The following DCAF8 variants were observed in gnomAD, a reference collection of about 807,000 sequenced individuals.
DCAF8 encodes the protein DDB1 and CUL4 associated factor 8.
A neutral mutation model predicts 68.0 loss-of-function variants in DCAF8; 20 were observed. That is an observed-to-expected ratio of 0.29 (90% CI 0.21 to 0.43). The LOEUF (loss-of-function observed/expected upper bound fraction) is 0.43, where lower values mean the gene tolerates loss of function less well. Among genes scored for constraint, DCAF8 ranks in the 20% least tolerant of loss-of-function variants. DCAF8 has a pLI of 1.00. For missense variants in DCAF8, 460 were observed against 771.0 expected, an observed-to-expected ratio of 0.60 and a Z score of 4.78; for synonymous variants, 230 against 276.9, an observed-to-expected ratio of 0.83 and a Z score of 1.68.
At position 160,237,145 on chromosome 1, in the gene DCAF8, G is replaced by A. The variant is rs587777425; in HGVS notation, c.949C>T (p.Arg317Cys). The A allele has an allele frequency of 9.6e-6, 15 of 1,566,158 alleles. No individual in the cohort carries two copies. Among genetic ancestry groups the A allele is most frequent in the Admixed American group, 1.9e-5 (1 of 53,018 alleles). The change falls in exon 6 of 14, where the codon CGC becomes TGC. Residue 317 changes from arginine to cysteine, a missense_variant. Physicochemically the swap from Arg to Cys is radical, Grantham distance 180 (BLOSUM62 -3). This residue lies in a region of DCAF8 where 170 missense variants were observed against 318.2 expected (regional missense o/e 0.53). Transcript: ENST00000368074. ...VVFTIDLRQDRPASKLVVTKE... is the reference protein window; with the variant it reads ...VVFTIDLRQDCPASKLVVTKE... ...TACTGCTACACTTACGACGCTGGGC[G>A]GTCTTGTCTCAGGTCAATGGTGAAA...
intron 2 of DCAF8, among the ~76,000 whole-genome samples, chr1:160,253,158 A>G (rs1185327175): frequency 6.6e-6 from 1 of 152,174 alleles, no homozygotes; most frequent in Admixed American, 6.5e-5. Flanking sequence ...AATTGAGAAG[A>G]ACGAATAATC....
chr1:160,240,687 T>C (rs1656076496), intron 3 of DCAF8, among the ~76,000 whole-genome samples: 1 of 152,206 alleles, frequency 6.6e-6, no homozygotes, highest in African/African-American at 2.4e-5. Flanking sequence ...CTGATACATC[T>C]ACCATTGGCT....
At chr1:160,243,916 C>G in intron 3 of DCAF8, 44 bp downstream of exon 3, 1 of 1,600,550 alleles carries the variant, frequency 6.2e-7, no homozygotes, top group South Asian at 1.1e-5. Flanking sequence ...AGGACAACCT[C>G]AGTTGATAGT....
intron 2 of DCAF8, among the ~76,000 whole-genome samples, chr1:160,246,070 G>T (rs527847364): frequency 6.6e-6 from 1 of 152,042 alleles, no homozygotes; most frequent in Non-Finnish European, 1.5e-5. Context: ...CCTGGGAGGC[G>T]GAGGTTGTGG....
intron 3 of DCAF8, among the ~76,000 whole-genome samples, chr1:160,242,410 C>G (rs1464601903): frequency 6.6e-6 from 1 of 152,104 alleles, no homozygotes; most frequent in Non-Finnish European, 1.5e-5. Context: ...TGAAATGCAG[C>G]TGGGCTTGAG....
chr1:160,251,916 C>T (rs1265545101), intron 2 of DCAF8, among the ~76,000 whole-genome samples: 1 of 152,186 alleles, frequency 6.6e-6, no homozygotes, highest in African/African-American at 2.4e-5. Flanking sequence ...AGGGGTCCAA[C>T]ATATGACACT....
chr1:160,242,101 C>T (rs948481154), intron 3 of DCAF8, among the ~76,000 whole-genome samples: 4 of 152,014 alleles, frequency 2.6e-5, no homozygotes, highest in African/African-American at 9.7e-5. Context: ...AAAAATTAGC[C>T]GGGCGTGGTG....
chr1:160,244,927 T>G (rs568985640), intron 2 of DCAF8, among the ~76,000 whole-genome samples: 3 of 152,196 alleles, frequency 2.0e-5, no homozygotes, highest in African/African-American at 7.2e-5. Context: ...TTCAAACTTA[T>G]TAAAGGCACA....
intron 2 of DCAF8, among the ~76,000 whole-genome samples, chr1:160,256,099 C>T (rs1656827023): frequency 6.8e-6 from 1 of 147,552 alleles, no homozygotes; most frequent in African/African-American, 2.5e-5. Flanking sequence ...GCAGTCCTCC[C>T]AACTCAGCCC....
chr1:160,257,499 T>C (rs1656885440), intron 2 of DCAF8, among the ~76,000 whole-genome samples: 1 of 152,196 alleles, frequency 6.6e-6, no homozygotes, highest in African/African-American at 2.4e-5. Flanking sequence ...ATTACTCCCC[T>C]GATAGAATAC....
intron 3 of DCAF8, 66 bp downstream of exon 3, chr1:160,243,894 C>CT: frequency 6.5e-7 from 1 of 1,535,740 alleles, no homozygotes; most frequent in Non-Finnish European, 9.0e-7. Flanking sequence ...TCCACTCTAT[C>CT]TTGCAGGGAG....
chr1:160,240,438 TC>T (rs1180718704), intron 3 of DCAF8, 68 bp from the exon 4 acceptor site: 5 of 1,440,290 alleles, frequency 3.5e-6, no homozygotes, highest in Non-Finnish European at 4.6e-6. Context: ...ACCACCTTAG[TC>T]TAAGAAATCT....
At chr1:160,241,366 AG>A (rs1656109299) in intron 3 of DCAF8, among the ~76,000 whole-genome samples, 1 of 152,208 alleles carries the variant, frequency 6.6e-6, no homozygotes, top group South Asian at 2.1e-4. Context: ...ACACATTTTT[AG>A]TCTCTCTATT....
At chr1:160,230,776 G>A (rs1655650643) in intron 7 of DCAF8, among the ~76,000 whole-genome samples, 2 of 151,316 alleles carry the variant, frequency 1.3e-5, no homozygotes, top group South Asian at 4.1e-4. Context: ...TTTTGAGACA[G>A]AGTCTCGCTC....
At chr1:160,250,001 T>C (rs1016461345) in intron 2 of DCAF8, among the ~76,000 whole-genome samples, 3 of 152,138 alleles carry the variant, frequency 2.0e-5, no homozygotes, top group Admixed American at 6.6e-5. Context: ...GGAATGAAAC[T>C]GACTACGAAA....
At chr1:160,228,932 G>A (rs1655572100) in intron 7 of DCAF8, among the ~76,000 whole-genome samples, 1 of 152,174 alleles carries the variant, frequency 6.6e-6, no homozygotes, top group African/African-American at 2.4e-5. Context: ...CAGAGAAGTT[G>A]AGTGTAACCT....
intron 9 of DCAF8, 149 bp from the exon 10 acceptor site, chr1:160,224,698 C>G: frequency 1.5e-6 from 1 of 663,272 alleles, no homozygotes. Flanking sequence ...CAGGCAAGTC[C>G]GACTGTACAG....
At chr1:160,259,344 C>G (rs908826560) in intron 2 of DCAF8, among the ~76,000 whole-genome samples, 1 of 152,076 alleles carries the variant, frequency 6.6e-6, no homozygotes, top group African/African-American at 2.4e-5. Context: ...ACCACCCTGG[C>G]CAACATGGTG....
At chr1:160,233,765 C>T (rs2101732214) in intron 6 of DCAF8, among the ~76,000 whole-genome samples, 1 of 152,312 alleles carries the variant, frequency 6.6e-6, no homozygotes, top group Non-Finnish European at 1.5e-5. Flanking sequence ...AGAGCTCAAT[C>T]TTACTATGCC....
Sources: allele counts gnomAD v4.1 joint callset (sites outside exome capture counted in the v4.1 genomes callset), GRCh38; gene constraint gnomAD v4.1.1; regional missense constraint gnomAD v4.1.1; transcripts MANE v1.5; gene names NCBI Gene and HGNC (gene_info 2026-07-23, HGNC 2026-07-21).